Variants in DOCK3 observed in about 807,000 individuals in gnomAD.
DOCK3 encodes dedicator of cytokinesis 3.
A neutral mutation model predicts 265.6 loss-of-function variants in DOCK3; 60 were observed. The ratio of observed to expected loss-of-function variants is 0.23; its 90% CI spans 0.18 to 0.28. The LOEUF is 0.28. Among genes scored for constraint, DOCK3 ranks in the 10% least tolerant of loss-of-function variants. The pLI, the probability that DOCK3 is intolerant of heterozygous loss-of-function variation, is 1.00. For synonymous variants in DOCK3, 881 were observed against 938.0 expected (o/e 0.94, Z 1.11); for missense variants, 1,981 against 2,594.3 (o/e 0.76, Z 5.14).
Position 51,381,802 on chromosome 3 carries a change from T to C in DOCK3, c.*243T>C. Reference sequence around the variant, plus strand: ...TTTACATTTCCATTTCTATGGGTTTTCCTTTCTTTCCTTTATGCAGTAGAT... The same window carrying C: ...TTTACATTTCCATTTCTATGGGTTTCCCTTTCTTTCCTTTATGCAGTAGAT... On this transcript the variant is annotated 3_prime_UTR_variant, in exon 53 of 53. Transcript: ENST00000266037. This position sits in a 1 kb window ranked among gnomAD's most constrained non-coding sequence, Gnocchi z 5.6. 2 of 457,874 alleles carry C rather than the reference T, an allele frequency of 4.4e-6. No individual in the cohort carries two copies. Among genetic ancestry groups the C allele is most frequent in the Non-Finnish European group, 7.6e-6 (2 of 263,878 alleles). 28.4% of individuals were successfully genotyped at this position (457,874 alleles called of 1,614,324 possible).
chr3:50,688,514 G>A (rs887252649), intron 1 of DOCK3, among the ~76,000 whole-genome samples: 7 of 152,098 alleles, frequency 4.6e-5, no homozygotes, highest in Admixed American at 1.3e-4. Flanking sequence ...CCAGGCTGGC[G>A]TGCAGTGGTG....
chr3:50,786,614 C>A, intron 2 of DOCK3: 1 of 568,942 alleles, frequency 1.8e-6, no homozygotes. Context: ...GAAAGTTGTC[C>A]GCACTCTGGC....
chr3:51,311,624 C>A (rs2083070892), intron 28 of DOCK3, among the ~76,000 whole-genome samples: 1 of 151,984 alleles, frequency 6.6e-6, no homozygotes, highest in African/African-American at 2.4e-5. Flanking sequence ...TCTTGATTAC[C>A]CAGAGATCCC....
chr3:51,245,713 A>T (rs1192437031), intron 21 of DOCK3, among the ~76,000 whole-genome samples: 1 of 152,166 alleles, frequency 6.6e-6, no homozygotes, highest in Non-Finnish European at 1.5e-5. Flanking sequence ...TTTCTTATAC[A>T]GAATTAGCAT....
chr3:51,314,182 T>C (rs996439494), intron 31 of DOCK3, among the ~76,000 whole-genome samples: 10 of 152,194 alleles, frequency 6.6e-5, no homozygotes, highest in Non-Finnish European at 8.8e-5. Context: ...AGAAAAATCC[T>C]ATCCCACCAT....
chr3:51,188,152 T>C (rs993303357), intron 12 of DOCK3, among the ~76,000 whole-genome samples: 11 of 152,368 alleles, frequency 7.2e-5, no homozygotes, highest in Admixed American at 5.2e-4. Flanking sequence ...TATTTTAAAC[T>C]ATTTTCACTT....
At position 51,148,800 on chromosome 3, in the gene DOCK3, G is replaced by A. The variant is rs1014455332; in HGVS notation, c.828+2170G>A. On this transcript the variant is annotated intron_variant, in intron 10 of 52. Transcript: ENST00000266037. ...GTGATGCCTCCAGCTTTGTTCTTTT[G>A]GCTTAGGATTGTCTTGGCAATGTGG... Among the ~76,000 whole-genome samples, 15 of 152,016 alleles carry A rather than the reference G, an allele frequency of 9.9e-5. No individual in the cohort carries two copies. The East Asian group carries it at 2.9e-3, about 29-fold the overall frequency.
At chr3:51,142,662 T>C (rs149611034) in intron 9 of DOCK3, among the ~76,000 whole-genome samples, 5 of 152,254 alleles carry the variant, frequency 3.3e-5, no homozygotes, top group African/African-American at 1.2e-4. Context: ...GTTTTGGCCA[T>C]TGTGGATAAT....
At chr3:51,142,817 A>G (rs1406292774) in intron 9 of DOCK3, among the ~76,000 whole-genome samples, 1 of 152,076 alleles carries the variant, frequency 6.6e-6, no homozygotes, top group African/African-American at 2.4e-5. Flanking sequence ...ACCATTTTGC[A>G]TTCTTACCAA....
chr3:50,807,964 T>G (rs376687395), intron 2 of DOCK3, among the ~76,000 whole-genome samples: 15 of 152,238 alleles, frequency 9.9e-5, no homozygotes, highest in African/African-American at 3.4e-4. Flanking sequence ...TTGCCCAGGC[T>G]GGTCTCAAGC....
rs746297605 is a variant in DOCK3 at position 51,356,501 on chromosome 3, A to G, written c.4503+8A>G. The G allele has an allele frequency of 1.9e-6, 3 of 1,610,942 alleles. No individual in the cohort carries two copies. The highest frequency in any genetic ancestry group is 2.5e-6 in the Non-Finnish European group (3 of 1,179,122). ...GTGGAGAGGAGGGAACTGGTGAGAC[A>G]TGTCTCAGATGAAGCTGAGCTTCAC... is the stretch of plus-strand genomic sequence containing the variant. On this transcript the variant is annotated splice_region_variant and intron_variant, in intron 43 of 52. Coordinates refer to ENST00000266037, the MANE Select transcript of DOCK3 (RefSeq NM_004947.5).
chr3:50,807,014 C>G lies in DOCK3; in HGVS notation c.121+28256C>G, dbSNP rs1324350178. 3.3e-5 allele frequency among the ~76,000 whole-genome samples: 5 copies of G among 152,088 alleles called. No homozygotes were observed. In the East Asian group the frequency reaches 9.7e-4, roughly 29 times the overall value. ...TTACAATGGGAAGTCCCTCCTGTCT[C>G]TGGGCCCCAGTCTGATCTGGTTTGG... On this transcript the variant is annotated intron_variant, in intron 2 of 52. Coordinates refer to ENST00000266037, the MANE Select transcript of DOCK3 (RefSeq NM_004947.5).
intron 5 of DOCK3, among the ~76,000 whole-genome samples, chr3:51,044,112 A>T (rs1025897692): frequency 6.6e-6 from 1 of 152,194 alleles, no homozygotes; most frequent in African/African-American, 2.4e-5. Flanking sequence ...TTTTATGATA[A>T]AGACACATGC....
In DOCK3 at chr3:51,341,256, C is replaced by G; in HGVS notation, c.3786C>G (p.Leu1262=). 1 of 1,593,952 alleles carries G rather than the reference C, an allele frequency of 6.3e-7. No individual in the cohort carries two copies. The highest frequency in any genetic ancestry group is 1.2e-5 in the South Asian group (1 of 86,400). Residue 1262 remains leucine, a synonymous_variant, in exon 38 of 53, where the codon CTC becomes CTG. Transcript: ENST00000266037. ...CCACAGAGGCCGCATTTACCCTGCT[C>G]CTTTACTGTGAGCTGCTGCAGTGGG... ...ENYTEAAFTL[L]LYCELLQWED...
At chr3:51,313,801 A>T (rs1011513944) in intron 31 of DOCK3, among the ~76,000 whole-genome samples, 1 of 152,196 alleles carries the variant, frequency 6.6e-6, no homozygotes, top group Non-Finnish European at 1.5e-5. Context: ...CCCCAATCAG[A>T]CTTTCCAACA....
intron 27 of DOCK3, among the ~76,000 whole-genome samples, chr3:51,293,440 A>G (rs922529959): frequency 6.6e-6 from 1 of 152,202 alleles, no homozygotes; most frequent in African/African-American, 2.4e-5. Context: ...GAAGAATGAA[A>G]GTAGACCTTT....
At chr3:51,237,955 GACTACTTTAGGT>G (rs2078422062) in intron 21 of DOCK3, among the ~76,000 whole-genome samples, 1 of 150,810 alleles carries the variant, frequency 6.6e-6, no homozygotes, top group African/African-American at 2.4e-5. Context: ...CTATGAATTT[GACTACTTTAGGT>G]ACCTCATGTA....
At chr3:51,244,219 T>C (rs970104273) in intron 21 of DOCK3, among the ~76,000 whole-genome samples, 1 of 151,732 alleles carries the variant, frequency 6.6e-6, no homozygotes, top group Non-Finnish European at 1.5e-5. Flanking sequence ...AGGATGGATT[T>C]TTTTTTTTCT....
At chr3:50,821,542 C>T (rs1211757852) in intron 2 of DOCK3, among the ~76,000 whole-genome samples, 5 of 152,154 alleles carry the variant, frequency 3.3e-5, no homozygotes, top group Non-Finnish European at 5.9e-5. Flanking sequence ...CCTCGTGATC[C>T]GCCTGCCTCG....
Sources: allele counts gnomAD v4.1 joint callset (sites outside exome capture counted in the v4.1 genomes callset), GRCh38; gene constraint gnomAD v4.1.1; non-coding constraint Gnocchi (gnomAD v3.1); transcripts MANE v1.5; gene names NCBI Gene and HGNC (gene_info 2026-07-23, HGNC 2026-07-21).